Variants in PDZK1IP1 observed in about 807,000 individuals in gnomAD.
PDZK1IP1 encodes the protein PDZK1 interacting protein 1.
In PDZK1IP1, 9 loss-of-function variants were observed where a neutral mutation model predicts 14.7. The observed-to-expected ratio is 0.61, with a 90% CI of 0.37 to 1.07. The LOEUF is 1.07. Ranked by LOEUF, PDZK1IP1 falls within the 50% of genes least tolerant of loss-of-function variation. The probability of loss-of-function intolerance (pLI) is 0.01; values close to 1 mark genes in which losing one functional copy is unlikely to be tolerated. For missense variants in PDZK1IP1, 152 were observed against 148.7 expected (o/e 1.02, Z -0.11); for synonymous variants, 70 against 61.2 (o/e 1.14, Z -0.67).
intron 2 of PDZK1IP1, chr1:47,185,322 G>A (rs899472416): frequency 1.9e-6 from 1 of 523,040 alleles, no homozygotes; most frequent in Admixed American, 3.2e-5. Flanking sequence ...GATTTATCCT[G>A]AGTCCAAAGC....
intron 2 of PDZK1IP1, among the ~76,000 whole-genome samples, chr1:47,185,986 G>A (rs532792604): frequency 1.3e-5 from 2 of 152,162 alleles, no homozygotes; most frequent in Non-Finnish European, 2.9e-5. Flanking sequence ...TTCTGCTAAG[G>A]CCGTGTCTCA....
rs770763970 is a variant in PDZK1IP1, at chr1:47,185,053, C to A, written c.221G>T (p.Gly74Val). 3.7e-6 allele frequency: 6 copies of A among 1,613,362 alleles called. No homozygotes were observed. The highest frequency in any genetic ancestry group is 1.7e-5 in the Admixed American group (1 of 60,002). ...CCTTCCATCTGTTCCCACCAGGACT[C>A]CATCTGCCTTGTTTCCGACGGTCAG... Reference protein sequence around the residue: ...MILTVGNKADGVLVGTDGRYS... With the variant: ...MILTVGNKADVVLVGTDGRYS... The change falls in exon 3 of 4, where the codon GGA becomes GTA. Residue 74 changes from glycine to valine, a missense_variant. Gly to Val is a moderately radical substitution (Grantham distance 109, BLOSUM62 -3). Coordinates refer to ENST00000294338, the MANE Select transcript of PDZK1IP1 (RefSeq NM_005764.4).
Position 47,187,244 on chromosome 1 carries a change from T to G in PDZK1IP1, c.176+75A>C. On this transcript the variant is annotated intron_variant, in intron 2 of 3. Transcript: ENST00000294338. Reference sequence around the variant, plus strand: ...TTGGACACAGGGTTTCTGAGGCCCTTCTCACTGCTACTAGAGCAAGAGCAG... The same window carrying G: ...TTGGACACAGGGTTTCTGAGGCCCTGCTCACTGCTACTAGAGCAAGAGCAG... The G allele has an allele frequency of 2.9e-6, 3 of 1,020,756 alleles. No individual in the cohort carries two copies. In the South Asian group the frequency reaches 4.0e-5, roughly 14 times the overall value. 63.2% of individuals were successfully genotyped at this position (1,020,756 alleles called of 1,614,324 possible). A position where few individuals can be genotyped will look rare whatever the true frequency, so the allele number is the denominator to read the frequency against.
rs558868060 is a variant in PDZK1IP1 at position 47,184,871 on chromosome 1, C to G, written c.272+131G>C. 2.4e-5 allele frequency: 17 copies of G among 707,496 alleles called. No individual in the cohort carries two copies. The South Asian group carries it at 2.5e-4, about 10-fold the overall frequency. The allele number at this position is 707,496 out of a possible 1,614,324, so 43.8% of individuals were successfully genotyped here. A position where few individuals can be genotyped will look rare whatever the true frequency, so the allele number is the denominator to read the frequency against. On this transcript the variant is annotated intron_variant, in intron 3 of 3. Transcript: ENST00000294338. The stretch of plus-strand genomic sequence containing the variant: ...AGAGCCCTGCAATCCTCACAAAGCC[C>G]CCATTGCCTCACTAGCTTTTGCCCA...
chr1:47,189,983 G>A lies in PDZK1IP1; in HGVS notation c.-51C>T. The A allele has an allele frequency of 6.9e-7, 1 of 1,455,006 alleles. No homozygotes were observed. Among genetic ancestry groups the A allele is most frequent in the South Asian group, 1.3e-5 (1 of 77,506 alleles). The allele number at this position is 1,455,006 out of a possible 1,614,324, so 90.1% of individuals were successfully genotyped here. A position where few individuals can be genotyped will look rare whatever the true frequency, so the allele number is the denominator to read the frequency against. Reference sequence around the variant, plus strand: ...TCTGGCCGCCGGTGTCTGGGCTCCTGGAGCTGCTGTGGAGTCTATTGGTGT... The same window carrying A: ...TCTGGCCGCCGGTGTCTGGGCTCCTAGAGCTGCTGTGGAGTCTATTGGTGT... On this transcript the variant is annotated 5_prime_UTR_variant, in exon 1 of 4. Transcript: ENST00000294338.
Position 47,190,034 on chromosome 1 carries a change from T to C in PDZK1IP1, c.-102A>G, listed in dbSNP as rs1569856575. The C allele has an allele frequency of 1.1e-6, 1 of 886,244 alleles. No homozygotes were observed. The highest frequency in any genetic ancestry group is 1.8e-5 in the African/African-American group (1 of 57,098). 54.9% of individuals were successfully genotyped at this position (886,244 alleles called of 1,614,324 possible). On this transcript the variant is annotated 5_prime_UTR_variant, in exon 1 of 4. Transcript: ENST00000294338. ...CCGCCTGAAATCAACCTGGGCTCAG[T>C]CTGGCCCTGGAGGAGAGGAGCTAGG...
intron 1 of PDZK1IP1, 52 bp downstream of exon 1, chr1:47,189,813 AC>A: frequency 2.8e-6 from 4 of 1,403,770 alleles, no homozygotes; most frequent in Non-Finnish European, 3.8e-6. Flanking sequence ...GAGCCAGAAC[AC>A]CACCTGTCCA....
chr1:47,185,135 G>GC, intron 2 of PDZK1IP1, 38 bp from the exon 3 acceptor site: 2 of 1,536,312 alleles, frequency 1.3e-6, no homozygotes, highest in Non-Finnish European at 1.8e-6. Context: ...CCTCAGTGGG[G>GC]CCCCCCTCGT....
At chr1:47,185,135 GC>G in intron 2 of PDZK1IP1, 38 bp from the exon 3 acceptor site, 1 of 1,536,302 alleles carries the variant, frequency 6.5e-7, no homozygotes, top group Non-Finnish European at 9.0e-7. Flanking sequence ...CCTCAGTGGG[GC>G]CCCCCTCGTC....
At chr1:47,186,038 T>A (rs1645317955) in intron 2 of PDZK1IP1, among the ~76,000 whole-genome samples, 1 of 152,140 alleles carries the variant, frequency 6.6e-6, no homozygotes, top group Non-Finnish European at 1.5e-5. Context: ...AGGCAGGGCA[T>A]GGTGGCTCAC....
At position 47,183,854 on chromosome 1, in the gene PDZK1IP1, T is replaced by C. The variant is rs1645299645; in HGVS notation, c.*117A>G. 4.8e-5 allele frequency: 42 copies of C among 867,928 alleles called. No individual in the cohort carries two copies. The Middle Eastern group carries it at 8.4e-4, about 17-fold the overall frequency. 53.8% of individuals were successfully genotyped at this position (867,928 alleles called of 1,614,324 possible). A position where few individuals can be genotyped will look rare whatever the true frequency, so the allele number is the denominator to read the frequency against. ...AGGGCGGGTAGGGCCGGCATGGGGC[T>C]GGAGGGAGTCAGCCCACTATTGCAG... On this transcript the variant is annotated 3_prime_UTR_variant, in exon 4 of 4. Transcript: ENST00000294338.
At chr1:47,188,693 A>T (rs1460282660) in intron 1 of PDZK1IP1, among the ~76,000 whole-genome samples, 1 of 152,206 alleles carries the variant, frequency 6.6e-6, no homozygotes, top group African/African-American at 2.4e-5. Context: ...AAATATTGGG[A>T]AGGAGGAAGG....
At chr1:47,186,432 C>T (rs917182012) in intron 2 of PDZK1IP1, among the ~76,000 whole-genome samples, 6 of 152,384 alleles carry the variant, frequency 3.9e-5, no homozygotes, top group African/African-American at 1.4e-4. Flanking sequence ...TCACCAGCCT[C>T]ATCTCAGGTG....
intron 3 of PDZK1IP1, 52 bp downstream of exon 3, chr1:47,184,950 T>C (rs1645309743): frequency 7.0e-7 from 1 of 1,431,736 alleles, no homozygotes; most frequent in Non-Finnish European, 9.9e-7. Flanking sequence ...TGTCTTGAGA[T>C]TCTCCTTAGG....
chr1:47,184,976 C>A, intron 3 of PDZK1IP1, 26 bp downstream of exon 3: 1 of 1,576,492 alleles, frequency 6.3e-7, no homozygotes. Context: ...GGAGCACAGA[C>A]CGGGCAGCCC....
At chr1:47,184,930 C>A (rs977674630) in intron 3 of PDZK1IP1, 72 bp downstream of exon 3, 28 of 1,254,310 alleles carry the variant, frequency 2.2e-5, no homozygotes, top group Non-Finnish European at 2.9e-5. Context: ...CACCTCCCCC[C>A]AGCAGCACCT....
At chr1:47,184,119 C>G in intron 3 of PDZK1IP1, 76 bp from the exon 4 acceptor site, 8 of 1,107,782 alleles carry the variant, frequency 7.2e-6, no homozygotes, top group Non-Finnish European at 1.1e-5. Context: ...CCTTCCTGCA[C>G]TTGTGACAGT....
chr1:47,185,382 A>G, intron 2 of PDZK1IP1: 1 of 400,844 alleles, frequency 2.5e-6, no homozygotes, highest in Non-Finnish European at 4.6e-6. Flanking sequence ...CAGGCCCTGC[A>G]GGATGCAGTG....
intron 1 of PDZK1IP1, 118 bp from the exon 2 acceptor site, chr1:47,187,545 C>A: frequency 1.3e-6 from 1 of 764,036 alleles, no homozygotes. Context: ...AGCCAGCTGC[C>A]AGGAGCAAGG....
Sources: gnomAD v4.1 joint callset for allele counts (sites outside exome capture counted in the v4.1 genomes callset) on GRCh38, gnomAD v4.1.1 for gene constraint, MANE v1.5 for transcripts, NCBI Gene and HGNC (gene_info 2026-07-23, HGNC 2026-07-21) for gene names.